Variants in C8orf34 observed in about 807,000 individuals in gnomAD.
The protein encoded by C8orf34 is chromosome 8 open reading frame 34, also known as uncharacterized protein C8orf34.
C8orf34 carries 65 observed loss-of-function variants against 68.3 expected under a neutral mutation model. That is an observed-to-expected ratio of 0.95 (90% CI 0.78 to 1.17). The LOEUF (loss-of-function observed/expected upper bound fraction) is 1.17. Ranked by LOEUF, C8orf34 falls within the 50% of genes most tolerant of loss-of-function variation. C8orf34 has a pLI of 0.00. For missense variants in C8orf34, 664 were observed against 655.4 expected, an observed-to-expected ratio of 1.01 and a Z score of -0.14; for synonymous variants, 244 against 241.2, an observed-to-expected ratio of 1.01 and a Z score of -0.11.
At chr8:68,542,009 G>A (rs907794065) in intron 7 of C8orf34, among the ~76,000 whole-genome samples, 15 of 151,620 alleles carry the variant, frequency 9.9e-5, no homozygotes, top group Non-Finnish European at 1.9e-4. Context: ...TTATTAGGTG[G>A]GTGCAAAAGA....
At chr8:68,687,862 A>G (rs1408468216) in intron 8 of C8orf34, among the ~76,000 whole-genome samples, 1 of 152,166 alleles carries the variant, frequency 6.6e-6, no homozygotes, top group Admixed American at 6.6e-5. Context: ...CAAACTATGC[A>G]TCTGACAAAG....
rs144908219 is a variant in C8orf34, at chr8:68,718,313, C to G, written c.1328-3048C>G. 4.4e-3 allele frequency among the ~76,000 whole-genome samples: 673 copies of G among 152,222 alleles called. 11 individuals are homozygous for G. The highest frequency in any genetic ancestry group is 0.015 in the African/African-American group (635 of 41,528). Reference sequence around the variant, plus strand: ...TTTTTTAAATTTTATCAAAATAACTCCAACCTACCAATCTTTACCTATATA... The same window carrying G: ...TTTTTTAAATTTTATCAAAATAACTGCAACCTACCAATCTTTACCTATATA... On this transcript the variant is annotated intron_variant, in intron 9 of 13. Coordinates refer to ENST00000518698, the MANE Select transcript of C8orf34 (RefSeq NM_052958.4).
intron 9 of C8orf34, among the ~76,000 whole-genome samples, chr8:68,716,823 C>A (rs947108712): frequency 6.6e-6 from 1 of 151,792 alleles, no homozygotes; most frequent in African/African-American, 2.4e-5. Context: ...TATGAACAAC[C>A]CTTGTTAGTA....
At chr8:68,815,116 G>A (rs1473988786) in intron 12 of C8orf34, among the ~76,000 whole-genome samples, 2 of 151,844 alleles carry the variant, frequency 1.3e-5, no homozygotes, top group Non-Finnish European at 2.9e-5. Context: ...CATTCTTTTC[G>A]AGACATGTGG....
rs550592326 is a variant in C8orf34 at position 68,582,521 on chromosome 8, G to C, written c.1105+49372G>C. 5.3e-5 allele frequency among the ~76,000 whole-genome samples: 8 copies of C among 152,192 alleles called. 1 individual carries two copies. In the South Asian group the frequency reaches 8.3e-4, roughly 16 times the overall value. On this transcript the variant is annotated intron_variant, in intron 7 of 13. Transcript: ENST00000518698. ...AGTTTCTATGACCCACCTTGGAGAAGTAGAATTCTGGTTTTTATGACTTGC... is the reference window on the plus strand; with the variant it reads ...AGTTTCTATGACCCACCTTGGAGAACTAGAATTCTGGTTTTTATGACTTGC...
At chr8:68,745,856 A>T (rs528605597) in intron 10 of C8orf34, among the ~76,000 whole-genome samples, 72 of 152,252 alleles carry the variant, frequency 4.7e-4, no homozygotes, top group Non-Finnish European at 7.4e-4. Flanking sequence ...GATACCCAGG[A>T]ATTGAACTCA....
chr8:68,745,392 T>G (rs1390411077), intron 10 of C8orf34, among the ~76,000 whole-genome samples: 1 of 151,870 alleles, frequency 6.6e-6, no homozygotes. Context: ...TAATATTACC[T>G]TTAAATGTAA....
At chr8:68,525,752 A>C in intron 6 of C8orf34, 1 of 628,166 alleles carries the variant, frequency 1.6e-6, no homozygotes, top group East Asian at 3.4e-5. Context: ...GTGATCATCA[A>C]TGATTTTAGA....
chr8:68,454,562 C>T (rs1456347981), intron 3 of C8orf34, among the ~76,000 whole-genome samples: 3 of 151,988 alleles, frequency 2.0e-5, no homozygotes, highest in South Asian at 2.1e-4. Context: ...ATAGTATTCT[C>T]TTACAATACT....
chr8:68,625,938 T>G (rs1818526811), intron 7 of C8orf34, among the ~76,000 whole-genome samples: 2 of 152,202 alleles, frequency 1.3e-5, no homozygotes, highest in Non-Finnish European at 2.9e-5. Flanking sequence ...ACTGGTGTAA[T>G]GATATATTTT....
intron 8 of C8orf34, among the ~76,000 whole-genome samples, chr8:68,685,135 A>T (rs1284618170): frequency 6.6e-6 from 1 of 152,094 alleles, no homozygotes; most frequent in African/African-American, 2.4e-5. Context: ...CTACGGTAAC[A>T]TATATGTACT....
chr8:68,601,077 A>G (rs1412503520), intron 7 of C8orf34, among the ~76,000 whole-genome samples: 1 of 152,164 alleles, frequency 6.6e-6, no homozygotes, highest in Non-Finnish European at 1.5e-5. Flanking sequence ...TGACAAATGT[A>G]TGTCCCATTC....
intron 7 of C8orf34, among the ~76,000 whole-genome samples, chr8:68,610,710 T>TA (rs1049784213): frequency 7.9e-5 from 12 of 151,856 alleles, no homozygotes; most frequent in East Asian, 3.9e-4. Flanking sequence ...CTGAAAACTA[T>TA]AAAAAAACAG....
chr8:68,351,443 G>A (rs1021606954), intron 1 of C8orf34, among the ~76,000 whole-genome samples: 1 of 152,006 alleles, frequency 6.6e-6, no homozygotes, highest in Non-Finnish European at 1.5e-5. Flanking sequence ...TCTTGGAGAT[G>A]ATCTTCTTGT....
chr8:68,675,973 A>T (rs1820176955), intron 8 of C8orf34, among the ~76,000 whole-genome samples: 1 of 152,190 alleles, frequency 6.6e-6, no homozygotes, highest in Non-Finnish European at 1.5e-5. Flanking sequence ...GACAAGGCCT[A>T]TAAAAAGAGA....
At chr8:68,661,184 G>A (rs551046224) in intron 8 of C8orf34, among the ~76,000 whole-genome samples, 10 of 152,306 alleles carry the variant, frequency 6.6e-5, no homozygotes, top group South Asian at 4.1e-4. Context: ...GTCATTGGAC[G>A]CAGCATGCAC....
At position 68,485,030 on chromosome 8, in the gene C8orf34, A is replaced by G. The variant is rs138157649; in HGVS notation, c.737-2993A>G. Reference sequence around the variant, plus strand: ...TCCAAACCAAGTTTTCCATTTAGCTAGTTTGAGTTGTATTCTGGGGTCCAT... The same window carrying G: ...TCCAAACCAAGTTTTCCATTTAGCTGGTTTGAGTTGTATTCTGGGGTCCAT... On this transcript the variant is annotated intron_variant, in intron 4 of 13. Coordinates refer to ENST00000518698, the MANE Select transcript of C8orf34 (RefSeq NM_052958.4). Among the ~76,000 whole-genome samples, 52 of 152,352 alleles carry G rather than the reference A, an allele frequency of 3.4e-4. No individual in the cohort carries two copies. In the Middle Eastern group the frequency reaches 0.014, roughly 40 times the overall value.
intron 7 of C8orf34, among the ~76,000 whole-genome samples, chr8:68,584,444 G>A (rs180795343): frequency 1.2e-4 from 18 of 152,218 alleles, no homozygotes; most frequent in Non-Finnish European, 2.2e-4. Context: ...AGCTTTCTAC[G>A]GAAATCCGTC....
intron 7 of C8orf34, among the ~76,000 whole-genome samples, chr8:68,568,054 A>T (rs1030223109): frequency 1.2e-4 from 18 of 152,056 alleles, no homozygotes; most frequent in Admixed American, 3.9e-4. Context: ...AGATAGGGGG[A>T]TGGCTAGTTT....
Sources: gnomAD v4.1 joint callset for allele counts (sites outside exome capture counted in the v4.1 genomes callset) on GRCh38, gnomAD v4.1.1 for gene constraint, MANE v1.5 for transcripts, NCBI Gene and HGNC (gene_info 2026-07-23, HGNC 2026-07-21) for gene names.